The following LRRTM4 variants were observed in gnomAD, a reference collection of about 807,000 sequenced individuals.
LRRTM4 encodes the protein leucine rich repeat transmembrane neuronal 4, also known as leucine-rich repeat transmembrane neuronal protein 4.
LRRTM4 carries 25 observed loss-of-function variants against 47.6 expected under a neutral mutation model. That is an observed-to-expected ratio of 0.53 (90% CI 0.38 to 0.73). The LOEUF (loss-of-function observed/expected upper bound fraction) is 0.73, where lower values mean the gene tolerates loss of function less well. Among genes scored for constraint, LRRTM4 ranks in the 30% least tolerant of loss-of-function variants. The pLI is 0.00. For missense variants in LRRTM4, 638 were observed against 713.4 expected (o/e 0.89, Z 1.20); for synonymous variants, 311 against 269.5 (o/e 1.15, Z -1.51).
chr2:77,399,733 C>T (rs1228228366), intron 3 of LRRTM4, among the ~76,000 whole-genome samples: 3 of 151,884 alleles, frequency 2.0e-5, no homozygotes, highest in South Asian at 4.1e-4. Context: ...GGCAACCTGA[C>T]CAAAGTCACA....
chr2:77,383,509 C>A lies in LRRTM4; in HGVS notation c.1551+134809G>T, dbSNP rs1168614799. On this transcript the variant is annotated intron_variant, in intron 3 of 3. Coordinates refer to ENST00000409884, the MANE Select transcript of LRRTM4 (RefSeq NM_001134745.3). ...AAAGCTTTGATTTTTCCACTACGAC[C>A]CAAAAGGCAGTCTAATAAGGATTTG... 2.0e-5 allele frequency among the ~76,000 whole-genome samples: 3 copies of A among 151,918 alleles called. No individual in the cohort carries two copies. The East Asian group carries it at 5.8e-4, about 29-fold the overall frequency.
At chr2:77,180,345 T>C (rs1257552744) in intron 3 of LRRTM4, among the ~76,000 whole-genome samples, 1 of 152,146 alleles carries the variant, frequency 6.6e-6, no homozygotes. Flanking sequence ...GTCTGTCTAA[T>C]ATTTCTCTCT....
intron 3 of LRRTM4, among the ~76,000 whole-genome samples, chr2:77,144,782 C>G (rs1672212276): frequency 6.6e-6 from 1 of 152,034 alleles, no homozygotes; most frequent in African/African-American, 2.4e-5. Flanking sequence ...AAAAAAAGCA[C>G]TAGCCAAATA....
At chr2:77,050,443 G>C (rs959917058) in intron 3 of LRRTM4, among the ~76,000 whole-genome samples, 1 of 152,104 alleles carries the variant, frequency 6.6e-6, no homozygotes, top group Non-Finnish European at 1.5e-5. Context: ...TAGCATATCG[G>C]TTTACCATTT....
intron 3 of LRRTM4, among the ~76,000 whole-genome samples, chr2:77,174,190 GTTC>G (rs1187071134): frequency 6.6e-6 from 1 of 152,062 alleles, no homozygotes; most frequent in Non-Finnish European, 1.5e-5. Context: ...GACACTGGTG[GTTC>G]TTATTCTAGG....
intron 3 of LRRTM4, among the ~76,000 whole-genome samples, chr2:76,764,482 T>A (rs1673378218): frequency 2.0e-5 from 3 of 151,792 alleles, no homozygotes; most frequent in Admixed American, 1.3e-4. Context: ...ATGCAAAAAA[T>A]TAGCTGGGCG....
At chr2:77,048,288 A>T (rs950522900) in intron 3 of LRRTM4, among the ~76,000 whole-genome samples, 5 of 151,984 alleles carry the variant, frequency 3.3e-5, no homozygotes, top group African/African-American at 1.2e-4. Context: ...TTGGCGTGAG[A>T]AATTGTTTTT....
chr2:77,423,408 A>AGATAT (rs905462384), intron 3 of LRRTM4, among the ~76,000 whole-genome samples: 29 of 152,266 alleles, frequency 1.9e-4, no homozygotes, highest in Middle Eastern at 3.4e-3. Context: ...CACTCTCTGT[A>AGATAT]GATATGAAAA....
intron 3 of LRRTM4, among the ~76,000 whole-genome samples, chr2:77,455,406 C>T (rs1676491601): frequency 6.6e-6 from 1 of 151,938 alleles, no homozygotes; most frequent in Admixed American, 6.6e-5. Flanking sequence ...TATTTGACCC[C>T]TTTTTGCCAA....
chr2:76,845,382 C>T (rs1671809056), intron 3 of LRRTM4, among the ~76,000 whole-genome samples: 1 of 152,056 alleles, frequency 6.6e-6, no homozygotes, highest in Admixed American at 6.6e-5. Flanking sequence ...GTCCCAGCTA[C>T]TTGGGAGGCT....
chr2:77,461,361 A>C (rs1676782743), intron 3 of LRRTM4, among the ~76,000 whole-genome samples: 1 of 152,094 alleles, frequency 6.6e-6, no homozygotes, highest in Admixed American at 6.6e-5. Context: ...CAGCAGCCCC[A>C]ATATTTGAAT....
chr2:76,878,564 T>C (rs1271332229), intron 3 of LRRTM4, among the ~76,000 whole-genome samples: 1 of 151,254 alleles, frequency 6.6e-6, no homozygotes, highest in Non-Finnish European at 1.5e-5. Flanking sequence ...AAGACACGAA[T>C]TATAGGAAAG....
At chr2:77,017,449 A>C (rs962967649) in intron 3 of LRRTM4, among the ~76,000 whole-genome samples, 1 of 152,196 alleles carries the variant, frequency 6.6e-6, no homozygotes, top group African/African-American at 2.4e-5. Flanking sequence ...CTATAAAAGA[A>C]TCTTTCCTGC....
Position 76,828,366 on chromosome 2 carries a change from C to T in LRRTM4, c.1552-79450G>A, listed in dbSNP as rs138683643. On this transcript the variant is annotated intron_variant, in intron 3 of 3. Coordinates refer to ENST00000409884, the MANE Select transcript of LRRTM4 (RefSeq NM_001134745.3). The stretch of plus-strand genomic sequence containing the variant: ...ATATGTGTAGTGTCTAAAAATGAAG[C>T]AATAATATGAAGTGGAAGCAATATC... Among the ~76,000 whole-genome samples, 505 of 151,936 alleles carry T rather than the reference C, an allele frequency of 3.3e-3. 5 individuals carry two copies. Among genetic ancestry groups the T allele is most frequent in the African/African-American group, 0.012 (487 of 41,496 alleles).
At chr2:77,249,781 C>A (rs4468841) in intron 3 of LRRTM4, among the ~76,000 whole-genome samples, 1 of 151,518 alleles carries the variant, frequency 6.6e-6, no homozygotes, top group East Asian at 1.9e-4. Flanking sequence ...AGCTAACATA[C>A]TTTTACCATA....
At chr2:77,013,839 C>A (rs1203283472) in intron 3 of LRRTM4, among the ~76,000 whole-genome samples, 5 of 152,114 alleles carry the variant, frequency 3.3e-5, no homozygotes, top group African/African-American at 1.2e-4. Flanking sequence ...TATAAAGAGG[C>A]TGTCTTAAAC....
chr2:77,257,396 G>A (rs1675800401), intron 3 of LRRTM4, among the ~76,000 whole-genome samples: 1 of 151,660 alleles, frequency 6.6e-6, no homozygotes, highest in African/African-American at 2.4e-5. Flanking sequence ...ATTTTAATAT[G>A]CTATCAATAA....
chr2:77,140,445 C>T (rs1467954838), intron 3 of LRRTM4, among the ~76,000 whole-genome samples: 1 of 152,094 alleles, frequency 6.6e-6, no homozygotes, highest in African/African-American at 2.4e-5. Context: ...AAACTGGATC[C>T]CTTCCTTACA....
intron 3 of LRRTM4, among the ~76,000 whole-genome samples, chr2:77,003,073 TTTTAA>T (rs1677492039): frequency 6.6e-6 from 1 of 151,950 alleles, no homozygotes; most frequent in African/African-American, 2.4e-5. Context: ...TTCTGTTTAT[TTTTAA>T]TTTTTTTATG....
Sources: gnomAD v4.1 joint callset for allele counts (sites outside exome capture counted in the v4.1 genomes callset) on GRCh38, gnomAD v4.1.1 for gene constraint, MANE v1.5 for transcripts, NCBI Gene and HGNC (gene_info 2026-07-23, HGNC 2026-07-21) for gene names.